Variants in LAMP3 observed in about 807,000 individuals in gnomAD.
The protein encoded by LAMP3 is lysosome associated membrane protein 3.
Under a neutral mutation model 34.8 loss-of-function variants are expected in LAMP3, and 26 were observed. The observed-to-expected ratio is 0.75, with a 90% CI of 0.55 to 1.04. The LOEUF is 1.04. Among genes scored for constraint, LAMP3 ranks in the 50% least tolerant of loss-of-function variants. The pLI is 0.00. For synonymous variants in LAMP3, 180 were observed against 201.9 expected (o/e 0.89, Z 0.92); for missense variants, 495 against 524.0 (o/e 0.94, Z 0.54).
Position 183,153,834 on chromosome 3 carries a change from G to A in LAMP3, c.607C>T (p.Arg203Cys), listed in dbSNP as rs1366997152. 13 of 1,607,590 alleles carry A rather than the reference G, an allele frequency of 8.1e-6. No individual in the cohort carries two copies. The highest frequency in any genetic ancestry group is 6.7e-5 in the African/African-American group (5 of 74,882). Residue 203 changes from arginine to cysteine, a missense_variant, in exon 2 of 6, where the codon CGC (arginine) becomes TGC (cysteine). Arg to Cys is a radical substitution (Grantham distance 180, BLOSUM62 -3). Coordinates refer to ENST00000265598, the MANE Select transcript of LAMP3 (RefSeq NM_014398.4). ...GTTAAAHNTT[R>C]TAAPASTVPG... is the part of the protein sequence containing the mutation. ...ACCGTGGAGGCAGGTGCAGCTGTGC[G>A]GGTGGTATTGTGGGCAGCTGCCGTT...
chr3:183,134,872 A>T (rs925770768), intron 5 of LAMP3, among the ~76,000 whole-genome samples: 23 of 152,216 alleles, frequency 1.5e-4, no homozygotes, highest in African/African-American at 5.3e-4. Flanking sequence ...TTTAGTTATT[A>T]TGAGAGGGAT....
At chr3:183,125,969 A>G (rs996878655) in intron 5 of LAMP3, among the ~76,000 whole-genome samples, 2 of 152,176 alleles carry the variant, frequency 1.3e-5, no homozygotes, top group African/African-American at 4.8e-5. Flanking sequence ...CACTTGGCCT[A>G]TATTTCTTAA....
chr3:183,127,588 A>G (rs1719811607), intron 5 of LAMP3, among the ~76,000 whole-genome samples: 1 of 151,988 alleles, frequency 6.6e-6, no homozygotes, highest in Non-Finnish European at 1.5e-5. Context: ...CTTATCACTG[A>G]TTTTTGTACC....
intron 5 of LAMP3, among the ~76,000 whole-genome samples, chr3:183,128,270 T>C (rs1719831673): frequency 6.6e-6 from 1 of 152,198 alleles, no homozygotes; most frequent in Non-Finnish European, 1.5e-5. Flanking sequence ...CTCTTAGTTC[T>C]CCCTGTCCCC....
chr3:183,140,810 A>G (rs1720261080), intron 3 of LAMP3, among the ~76,000 whole-genome samples: 1 of 152,184 alleles, frequency 6.6e-6, no homozygotes, highest in Non-Finnish European at 1.5e-5. Flanking sequence ...CTGGCCCCAA[A>G]TTTCCCTACT....
intron 1 of LAMP3, among the ~76,000 whole-genome samples, chr3:183,160,022 C>T (rs1168260378): frequency 1.3e-5 from 2 of 152,182 alleles, no homozygotes; most frequent in Non-Finnish European, 2.9e-5. Context: ...ATCCTAATGA[C>T]GGATCTCCAG....
At chr3:183,159,466 T>A (rs1440875969) in intron 1 of LAMP3, among the ~76,000 whole-genome samples, 1 of 152,136 alleles carries the variant, frequency 6.6e-6, no homozygotes, top group Non-Finnish European at 1.5e-5. Context: ...GACTACACAC[T>A]GTCTGCAGAG....
At chr3:183,162,567 C>T in intron 1 of LAMP3, 40 bp downstream of exon 1, 1 of 1,543,304 alleles carries the variant, frequency 6.5e-7, no homozygotes, top group Non-Finnish European at 8.8e-7. Flanking sequence ...AGGGGACCGA[C>T]ACGTCAGGGC....
intron 3 of LAMP3, among the ~76,000 whole-genome samples, chr3:183,141,845 G>A (rs929708802): frequency 3.3e-5 from 5 of 152,186 alleles, no homozygotes; most frequent in African/African-American, 1.2e-4. Context: ...CAATAATCAT[G>A]AGAGAAAATG....
chr3:183,131,066 T>C (rs1719904812), intron 5 of LAMP3, among the ~76,000 whole-genome samples: 1 of 152,220 alleles, frequency 6.6e-6, no homozygotes, highest in Non-Finnish European at 1.5e-5. Context: ...CTTTGCTTTT[T>C]GTGGTTACCA....
chr3:183,150,358 G>A (rs1720592205), intron 3 of LAMP3, among the ~76,000 whole-genome samples: 1 of 152,210 alleles, frequency 6.6e-6, no homozygotes, highest in Non-Finnish European at 1.5e-5. Flanking sequence ...GAGGTTGAAA[G>A]TGTCAAAGAA....
chr3:183,155,771 C>T (rs915954087), intron 1 of LAMP3, among the ~76,000 whole-genome samples: 2 of 152,180 alleles, frequency 1.3e-5, no homozygotes, highest in African/African-American at 2.4e-5. Context: ...CCATTTTTAC[C>T]GTCAGTGCCT....
intron 3 of LAMP3, among the ~76,000 whole-genome samples, chr3:183,150,149 C>T (rs1003529684): frequency 5.3e-5 from 8 of 152,114 alleles, no homozygotes; most frequent in Non-Finnish European, 1.0e-4. Context: ...GAGGGGAGGA[C>T]GACCTGCTGA....
chr3:183,124,519 G>C (rs562741602), intron 5 of LAMP3, among the ~76,000 whole-genome samples: 5 of 152,278 alleles, frequency 3.3e-5, no homozygotes, highest in Non-Finnish European at 7.3e-5. Context: ...CATACTCCCT[G>C]CTAAGTGGGA....
At chr3:183,124,300 T>C in intron 5 of LAMP3, 86 bp from the exon 6 acceptor site, 2 of 1,243,172 alleles carry the variant, frequency 1.6e-6, no homozygotes, top group Non-Finnish European at 2.2e-6. Context: ...AAGATGAGCT[T>C]TGGCATCAAA....
At chr3:183,158,827 G>T (rs1264465838) in intron 1 of LAMP3, among the ~76,000 whole-genome samples, 1 of 152,040 alleles carries the variant, frequency 6.6e-6, no homozygotes, top group African/African-American at 2.4e-5. Context: ...TGTTCTCAGG[G>T]GCCCTGTGAG....
chr3:183,126,563 T>TGTGTGTGC lies in LAMP3; in HGVS notation c.1118-2350_1118-2349insGCACACAC, dbSNP rs1289493902. On this transcript the variant is annotated intron_variant, in intron 5 of 5. Coordinates refer to ENST00000265598, the MANE Select transcript of LAMP3 (RefSeq NM_014398.4). Reference sequence around the variant, plus strand: ...GTGTGTGTGTGTGTGTGTGTGTGTGTGCACACGTGTGCATGTGTGCAAACT... The same window carrying TGTGTGTGC: ...GTGTGTGTGTGTGTGTGTGTGTGTGTGTGTGTGCGCACACGTGTGCATGTGTGCAAACT... Among the ~76,000 whole-genome samples, 577 of 149,160 alleles carry TGTGTGTGC rather than the reference T, an allele frequency of 3.9e-3. 4 individuals carry two copies. The highest frequency in any genetic ancestry group is 0.014 in the African/African-American group (541 of 39,658).
At chr3:183,143,368 C>A (rs1272218547) in intron 3 of LAMP3, among the ~76,000 whole-genome samples, 1 of 152,210 alleles carries the variant, frequency 6.6e-6, no homozygotes, top group African/African-American at 2.4e-5. Flanking sequence ...CCTACTTGAC[C>A]TCTCAAGGTG....
In LAMP3 at chr3:183,161,941, C is replaced by A. The variant is rs377389472; in HGVS notation, c.49+666G>T. 1.8e-5 allele frequency: 18 copies of A among 985,030 alleles called. No individual in the cohort carries two copies. The East Asian group carries it at 5.7e-4, about 31-fold the overall frequency. The allele number at this position is 985,030 out of a possible 1,614,324, so 61.0% of individuals were successfully genotyped here. ...CTCACCTCTTCCCTAACATTCCTAG[C>A]ATTCATGTTACAAGCAAGGGCCACC... On this transcript the variant is annotated intron_variant, in intron 1 of 5. Transcript: ENST00000265598.
Sources: allele counts gnomAD v4.1 joint callset (sites outside exome capture counted in the v4.1 genomes callset), GRCh38; gene constraint gnomAD v4.1.1; transcripts MANE v1.5; gene names NCBI Gene and HGNC (gene_info 2026-07-23, HGNC 2026-07-21).